Variants in RABL3 observed in about 807,000 individuals in gnomAD.
The protein encoded by RABL3 is RAB, member of RAS oncogene family like 3.
RABL3 carries 31 observed loss-of-function variants against 31.8 expected under a neutral mutation model. That is an observed-to-expected ratio of 0.97 (90% CI 0.73 to 1.31). RABL3 has a LOEUF of 1.31. RABL3 is among the 40% of genes most tolerant of loss of function. RABL3 has a pLI of 0.00. For synonymous variants in RABL3, 97 were observed against 99.9 expected (o/e 0.97, Z 0.18); for missense variants, 263 against 279.6 (o/e 0.94, Z 0.42).
At chr3:120,690,890 T>A (rs1440660009) in intron 6 of RABL3, among the ~76,000 whole-genome samples, 1 of 152,188 alleles carries the variant, frequency 6.6e-6, no homozygotes, top group Non-Finnish European at 1.5e-5. Flanking sequence ...CTTGTCTATT[T>A]CTTAAAGAGG....
At chr3:120,690,625 A>T (rs1708369588) in intron 6 of RABL3, 138 bp from the exon 7 acceptor site, 1 of 577,792 alleles carries the variant, frequency 1.7e-6, no homozygotes. Flanking sequence ...TAGTACAGTC[A>T]GCTAAAAATC....
intron 1 of RABL3, among the ~76,000 whole-genome samples, chr3:120,734,844 A>G (rs11708642): frequency 0.28 from 41,957 of 152,000 alleles, 6,275 homozygotes; most frequent in Non-Finnish European, 0.33. Context: ...GCTGGATTAT[A>G]TTTATTGATT....
chr3:120,692,109 AG>A (rs1345481067), intron 6 of RABL3, among the ~76,000 whole-genome samples: 2 of 152,228 alleles, frequency 1.3e-5, no homozygotes, highest in African/African-American at 4.8e-5. Context: ...ATGGCAGGAC[AG>A]GAAAATCTGA....
chr3:120,693,414 G>C (rs1216749100), intron 6 of RABL3, among the ~76,000 whole-genome samples: 1 of 152,158 alleles, frequency 6.6e-6, no homozygotes, highest in Non-Finnish European at 1.5e-5. Flanking sequence ...ATTTTCTTAG[G>C]AGATGTCACT....
rs776190968 is a variant in RABL3, at chr3:120,730,692, A to C, written c.138+4T>G. 3.1e-6 allele frequency: 5 copies of C among 1,601,640 alleles called. No individual in the cohort carries two copies. In the African/African-American group the frequency reaches 4.0e-5, roughly 13 times the overall value. Reference sequence around the variant, plus strand: ...TGAAAAACTAAAATATAAAAGACACATACTCTGACATCCACTGAGCAGCCC... The same window carrying C: ...TGAAAAACTAAAATATAAAAGACACCTACTCTGACATCCACTGAGCAGCCC... On this transcript the variant is annotated splice_donor_region_variant and intron_variant, in intron 2 of 7. Transcript: ENST00000273375.
intron 2 of RABL3, among the ~76,000 whole-genome samples, chr3:120,721,160 T>C (rs1708735353): frequency 6.6e-6 from 1 of 152,180 alleles, no homozygotes; most frequent in Non-Finnish European, 1.5e-5. Context: ...CCACCAGGCC[T>C]GCCCTAAAAG....
chr3:120,709,388 G>A (rs1406858249), intron 3 of RABL3, among the ~76,000 whole-genome samples: 1 of 151,950 alleles, frequency 6.6e-6, no homozygotes, highest in African/African-American at 2.4e-5. Context: ...GCAGATGAAA[G>A]AAATCCCTCT....
intron 1 of RABL3, among the ~76,000 whole-genome samples, chr3:120,738,997 G>C (rs544705714): frequency 7.0e-4 from 107 of 152,270 alleles, no homozygotes; most frequent in African/African-American, 2.5e-3. Flanking sequence ...ACTGCCACCA[G>C]CCATACACTT....
chr3:120,708,650 T>C (rs1049546016), intron 3 of RABL3, among the ~76,000 whole-genome samples: 6 of 152,154 alleles, frequency 3.9e-5, no homozygotes, highest in African/African-American at 1.4e-4. Context: ...CTTAGTCTTA[T>C]TGTTGTTTTT....
In RABL3 at chr3:120,689,871, A is replaced by G. The variant is rs746143976; in HGVS notation, c.663T>C (p.Asp221=). 4 of 1,612,814 alleles carry G rather than the reference A, an allele frequency of 2.5e-6. No homozygotes were observed. The African/African-American group carries it at 5.3e-5, about 22-fold the overall frequency. Residue 221 remains aspartate (D), a synonymous_variant, in exon 8 of 8, where the codon GAT becomes GAC. Transcript: ENST00000273375. ...REGNQIPGFP[D]RKRFGAGTLK... The stretch of plus-strand genomic sequence containing the variant: ...ATGTTCCTGCCCCAAATCTTTTCCG[A>G]TCAGGAAAGCCTGGAATCTGTAGGC...
chr3:120,733,893 C>G (rs1015008163), intron 1 of RABL3, among the ~76,000 whole-genome samples: 7 of 151,728 alleles, frequency 4.6e-5, no homozygotes, highest in South Asian at 2.1e-4. Flanking sequence ...GGGCTCTGTT[C>G]TGTTCCATTG....
At position 120,689,482 on chromosome 3, in the gene RABL3, A is replaced by G. The variant is rs779723847; in HGVS notation, c.*341T>C. The G allele has an allele frequency of 1.1e-5, 2 of 184,424 alleles. No homozygotes were observed. The highest frequency in any genetic ancestry group is 1.3e-4 in the East Asian group (1 of 7,574). 11.4% of individuals were successfully genotyped at this position (184,424 alleles called of 1,614,324 possible). A position where few individuals can be genotyped will look rare whatever the true frequency, so the allele number is the denominator to read the frequency against. On this transcript the variant is annotated 3_prime_UTR_variant, in exon 8 of 8. Coordinates refer to ENST00000273375, the MANE Select transcript of RABL3 (RefSeq NM_173825.5). ...TCAGCAATGAGTGTGGGAAAATTAC[A>G]GACCCATAAAAACCCTCCAGTTCTA... is the stretch of plus-strand genomic sequence containing the variant.
chr3:120,736,466 C>G (rs138544126), intron 1 of RABL3, among the ~76,000 whole-genome samples: 2 of 152,170 alleles, frequency 1.3e-5, no homozygotes, highest in Non-Finnish European at 2.9e-5. Context: ...CTCCTGAATA[C>G]AGCACACTGA....
At chr3:120,697,114 G>A (rs1034167964) in intron 5 of RABL3, among the ~76,000 whole-genome samples, 17 of 152,188 alleles carry the variant, frequency 1.1e-4, no homozygotes, top group African/African-American at 4.8e-5. Context: ...TTTTCCATAG[G>A]TACTATTGGT....
At chr3:120,714,155 A>T (rs1708642407) in intron 2 of RABL3, among the ~76,000 whole-genome samples, 2 of 152,340 alleles carry the variant, frequency 1.3e-5, no homozygotes, top group South Asian at 4.1e-4. Flanking sequence ...TAGAAAAAAA[A>T]TGATACACAT....
intron 1 of RABL3, among the ~76,000 whole-genome samples, chr3:120,732,271 C>A (rs990154630): frequency 6.6e-6 from 1 of 152,158 alleles, no homozygotes; most frequent in Non-Finnish European, 1.5e-5. Flanking sequence ...GTGAATTAAT[C>A]TTTGGAGAGT....
At chr3:120,726,548 C>T (rs919075181) in intron 2 of RABL3, among the ~76,000 whole-genome samples, 1 of 152,082 alleles carries the variant, frequency 6.6e-6, no homozygotes, top group African/African-American at 2.4e-5. Flanking sequence ...CGAGACCAGC[C>T]TAGCCAACAT....
intron 6 of RABL3, among the ~76,000 whole-genome samples, chr3:120,693,284 T>G (rs1383905237): frequency 6.6e-6 from 1 of 152,050 alleles, no homozygotes; most frequent in African/African-American, 2.4e-5. Context: ...AGGCCAAATA[T>G]TAAATCCCAA....
intron 1 of RABL3, among the ~76,000 whole-genome samples, chr3:120,736,055 T>C (rs1708957949): frequency 6.6e-6 from 1 of 152,206 alleles, no homozygotes; most frequent in Non-Finnish European, 1.5e-5. Flanking sequence ...AGAGGTCTAT[T>C]AGGTCCGCTT....
Sources: gnomAD v4.1 joint callset for allele counts (sites outside exome capture counted in the v4.1 genomes callset) on GRCh38, gnomAD v4.1.1 for gene constraint, MANE v1.5 for transcripts, NCBI Gene and HGNC (gene_info 2026-07-23, HGNC 2026-07-21) for gene names.